NRXN2: variants seen among roughly 807,000 people sequenced by gnomAD.
NRXN2 encodes the protein neurexin 2.
In NRXN2, 29 loss-of-function variants were observed where a neutral mutation model predicts 128.8. The ratio of observed to expected loss-of-function variants is 0.23; its 90% confidence interval spans 0.17 to 0.31. The LOEUF is 0.31. Ranked by LOEUF, NRXN2 falls within the 10% of genes least tolerant of loss-of-function variation. NRXN2 has a pLI of 1.00. For synonymous variants in NRXN2, 1,098 were observed against 1,075.2 expected, an observed-to-expected ratio of 1.02 and a Z score of -0.41; for missense variants, 1,881 against 2,452.6, an observed-to-expected ratio of 0.77 and a Z score of 4.92.
intron 7 of NRXN2, among the ~76,000 whole-genome samples, chr11:64,674,533 G>T (rs1423158050): frequency 6.6e-6 from 1 of 151,980 alleles, no homozygotes; most frequent in Non-Finnish European, 1.5e-5. Context: ...AAGTAGCTGG[G>T]ATTACAGGTG....
intron 2 of NRXN2, among the ~76,000 whole-genome samples, chr11:64,710,986 C>T (rs974965890): frequency 9.2e-5 from 14 of 152,192 alleles, no homozygotes; most frequent in African/African-American, 3.4e-4. Flanking sequence ...ATACACAGTT[C>T]CTGATGACGT....
intron 2 of NRXN2, among the ~76,000 whole-genome samples, chr11:64,703,116 T>C (rs984259115): frequency 1.3e-5 from 2 of 152,160 alleles, no homozygotes; most frequent in Non-Finnish European, 2.9e-5. Flanking sequence ...TTATTAATTA[T>C]CTTATTGAAT....
intron 17 of NRXN2, among the ~76,000 whole-genome samples, chr11:64,638,741 T>C (rs917569321): frequency 3.3e-5 from 5 of 151,996 alleles, no homozygotes; most frequent in African/African-American, 1.2e-4. Context: ...GTGCATAACA[T>C]TTCAGAGAGA....
chr11:64,650,706 G>C, intron 14 of NRXN2, 68 bp from the exon 15 acceptor site: 1 of 1,477,688 alleles, frequency 6.8e-7, no homozygotes, highest in Non-Finnish European at 9.4e-7. Flanking sequence ...GGGTGAGGAG[G>C]AGCTATGGCT....
In NRXN2 at chr11:64,651,010, T is replaced by C. The variant is rs897692609; in HGVS notation, c.2918+245A>G. On this transcript the variant is annotated intron_variant, in intron 14 of 22. Coordinates refer to ENST00000265459, the MANE Select transcript of NRXN2 (RefSeq NM_015080.4). The surrounding 1 kb of genome is among the most constrained non-coding windows in gnomAD (Gnocchi z 5.9). Reference sequence around the variant, plus strand: ...CTTCTGCCTGTAGAGAAGGTGACAGTGGACAGAGAACAGATATAACAGGGA... The same window carrying C: ...CTTCTGCCTGTAGAGAAGGTGACAGCGGACAGAGAACAGATATAACAGGGA... Among the ~76,000 whole-genome samples the C allele has an allele frequency of 1.3e-5, 2 of 152,074 alleles. No individual in the cohort carries two copies. The highest frequency in any genetic ancestry group is 2.9e-5 in the Non-Finnish European group (2 of 68,008).
intron 1 of NRXN2, among the ~76,000 whole-genome samples, chr11:64,719,586 G>A (rs745522029): frequency 3.3e-5 from 5 of 152,154 alleles, no homozygotes; most frequent in African/African-American, 9.7e-5. Context: ...GGCTGCTGCC[G>A]CCTCATGGAG....
At position 64,652,023 on chromosome 11, in the gene NRXN2, C is replaced by A; in HGVS notation, c.2536+12G>T. On this transcript the variant is annotated intron_variant, in intron 13 of 22. Coordinates refer to ENST00000265459, the MANE Select transcript of NRXN2 (RefSeq NM_015080.4). Reference sequence around the variant, plus strand: ...GGAGATGTGTCCACCTCCCTGGGCCCAGACCACCTACCCTCCACAGTCACG... The same window carrying A: ...GGAGATGTGTCCACCTCCCTGGGCCAAGACCACCTACCCTCCACAGTCACG... 1 of 1,610,496 alleles carries A rather than the reference C, an allele frequency of 6.2e-7. No homozygotes were observed. The highest frequency in any genetic ancestry group is 8.5e-7 in the Non-Finnish European group (1 of 1,179,952).
intron 17 of NRXN2, among the ~76,000 whole-genome samples, chr11:64,636,152 G>C (rs2044681295): frequency 6.6e-6 from 1 of 151,670 alleles, no homozygotes; most frequent in Non-Finnish European, 1.5e-5. Flanking sequence ...AGAGGAGGAA[G>C]GAGGCAGAGA....
At chr11:64,621,106 A>G (rs2042281942) in intron 21 of NRXN2, among the ~76,000 whole-genome samples, 1 of 152,100 alleles carries the variant, frequency 6.6e-6, no homozygotes, top group African/African-American at 2.4e-5. Flanking sequence ...AAGGACAAGG[A>G]CGAGCAGGGT....
At chr11:64,670,007 C>G (rs1168656705) in intron 7 of NRXN2, among the ~76,000 whole-genome samples, 1 of 152,104 alleles carries the variant, frequency 6.6e-6, no homozygotes, top group African/African-American at 2.4e-5. Context: ...CGACTGGTCT[C>G]CAGGGGTCCA....
intron 1 of NRXN2, among the ~76,000 whole-genome samples, chr11:64,717,090 C>G (rs2057325741): frequency 6.6e-6 from 1 of 152,114 alleles, no homozygotes; most frequent in African/African-American, 2.4e-5. Context: ...AGAGGTCTCC[C>G]CACAGGCCAG....
chr11:64,675,424 T>G (rs2051172667), intron 7 of NRXN2: 1 of 152,192 alleles, frequency 6.6e-6, no homozygotes, highest in East Asian at 1.9e-4. Context: ...ACACTCAGAT[T>G]GGGAGCCCCA....
intron 1 of NRXN2, among the ~76,000 whole-genome samples, chr11:64,715,553 C>T (rs1269289890): frequency 2.0e-5 from 3 of 152,158 alleles, no homozygotes; most frequent in Non-Finnish European, 2.9e-5. Flanking sequence ...GAGAGTGACA[C>T]GTGTGCAGAG....
intron 2 of NRXN2, among the ~76,000 whole-genome samples, chr11:64,702,360 G>T (rs987838641): frequency 6.6e-6 from 1 of 152,110 alleles, no homozygotes; most frequent in Non-Finnish European, 1.5e-5. Flanking sequence ...GAATAGAAAG[G>T]GGGGAAAGGT....
At chr11:64,615,444 C>T (rs558971399) in intron 22 of NRXN2, among the ~76,000 whole-genome samples, 3 of 152,384 alleles carry the variant, frequency 2.0e-5, no homozygotes, top group African/African-American at 4.8e-5. Flanking sequence ...CTACGGGTCT[C>T]GGCAAATGTG....
chr11:64,684,786 C>A (rs2052781989), intron 6 of NRXN2, among the ~76,000 whole-genome samples: 2 of 152,296 alleles, frequency 1.3e-5, no homozygotes, highest in South Asian at 4.1e-4. Flanking sequence ...CCTGCACTAG[C>A]CATCCTGGGC....
intron 7 of NRXN2, among the ~76,000 whole-genome samples, chr11:64,673,139 C>T (rs2050842766): frequency 6.6e-6 from 1 of 152,198 alleles, no homozygotes; most frequent in Non-Finnish European, 1.5e-5. Flanking sequence ...CTTTCCCCAT[C>T]TGTTAACTGG....
rs1385795278 is a variant in NRXN2, at chr11:64,712,957, C to A, written c.730+13G>T. The A allele has an allele frequency of 4.0e-6, 6 of 1,504,190 alleles. No individual in the cohort carries two copies. In the African/African-American group the frequency reaches 8.6e-5, roughly 22 times the overall value. 93.2% of individuals were successfully genotyped at this position (1,504,190 alleles called of 1,614,324 possible). On this transcript the variant is annotated intron_variant, in intron 2 of 22. Coordinates refer to ENST00000265459, the MANE Select transcript of NRXN2 (RefSeq NM_015080.4). The stretch of plus-strand genomic sequence containing the variant: ...CGCGCCCAGGCACCGGGCGGCCGCT[C>A]CCCGGGGCTCACCTTCGCTGCAGAA...
Position 64,606,842 on chromosome 11 carries a change from A to G in NRXN2, c.*354T>C, listed in dbSNP as rs1201236107. 3.8e-6 allele frequency: 1 copy of G among 266,028 alleles called. No individual in the cohort carries two copies. The highest frequency in any genetic ancestry group is 2.2e-5 in the African/African-American group (1 of 45,936). The allele number at this position is 266,028 out of a possible 1,614,324, so 16.5% of individuals were successfully genotyped here. Reference sequence around the variant, plus strand: ...AAAATTGAGGAAAATTAACAGGACGAGCAGTGGACACTTTACAAAACCCCC... The same window carrying G: ...AAAATTGAGGAAAATTAACAGGACGGGCAGTGGACACTTTACAAAACCCCC... On this transcript the variant is annotated 3_prime_UTR_variant, in exon 23 of 23. Coordinates refer to ENST00000265459, the MANE Select transcript of NRXN2 (RefSeq NM_015080.4).
Sources: allele counts gnomAD v4.1 joint callset (sites outside exome capture counted in the v4.1 genomes callset), GRCh38; gene constraint gnomAD v4.1.1; non-coding constraint Gnocchi (gnomAD v3.1); transcripts MANE v1.5; gene names NCBI Gene and HGNC (gene_info 2026-07-23, HGNC 2026-07-21).